SYT16: variants seen among roughly 807,000 people sequenced by gnomAD.
SYT16 encodes the protein synaptotagmin 16, also known as synaptotagmin-16.
SYT16 carries 42 observed loss-of-function variants against 61.4 expected under a neutral mutation model. The observed-to-expected ratio is 0.68, with a 90% CI of 0.53 to 0.89. SYT16 has a LOEUF of 0.89. Ranked by LOEUF, SYT16 falls within the 40% of genes least tolerant of loss-of-function variation. The probability of loss-of-function intolerance (pLI) is 0.00; values close to 1 mark genes in which losing one functional copy is unlikely to be tolerated. For missense variants in SYT16, 804 were observed against 807.3 expected (o/e 1.00, Z 0.05); for synonymous variants, 314 against 302.3 (o/e 1.04, Z -0.40).
At chr14:62,062,268 A>G (rs1017990751) in intron 3 of SYT16, among the ~76,000 whole-genome samples, 5 of 152,104 alleles carry the variant, frequency 3.3e-5, no homozygotes, top group African/African-American at 1.2e-4. Context: ...GAAGTCTCTT[A>G]AGTAGCCTCA....
intron 1 of SYT16, among the ~76,000 whole-genome samples, chr14:61,819,125 T>TAA (rs2045536877): frequency 6.6e-6 from 1 of 152,174 alleles, no homozygotes; most frequent in Non-Finnish European, 1.5e-5. Context: ...AATCTAAAAT[T>TAA]TGGTCTATAT....
At chr14:61,837,839 A>G (rs966041724) in intron 1 of SYT16, among the ~76,000 whole-genome samples, 4 of 152,100 alleles carry the variant, frequency 2.6e-5, no homozygotes, top group Non-Finnish European at 5.9e-5. Flanking sequence ...CTTCCTTCCT[A>G]TGTCTTTCTC....
chr14:61,962,595 C>A (rs1206783515), intron 1 of SYT16, among the ~76,000 whole-genome samples: 1 of 152,114 alleles, frequency 6.6e-6, no homozygotes, highest in African/African-American at 2.4e-5. Flanking sequence ...TAAATATACT[C>A]TTTGCCCCTT....
chr14:61,957,047 A>G lies in SYT16; in HGVS notation c.-324-13085A>G, dbSNP rs571594744. On this transcript the variant is annotated intron_variant, in intron 1 of 7. Coordinates refer to ENST00000683842, the MANE Select transcript of SYT16 (RefSeq NM_001367656.1). ...CACCTCCTTAAGTTTATTCTTAAGT[A>G]TTTTATTCTTTTTGATATTGTAAGT... Among the ~76,000 whole-genome samples the G allele has an allele frequency of 2.0e-5, 3 of 151,824 alleles. No individual in the cohort carries two copies. The East Asian group carries it at 5.8e-4, about 29-fold the overall frequency.
At chr14:61,813,715 A>G (rs890618634) in intron 1 of SYT16, among the ~76,000 whole-genome samples, 2 of 151,830 alleles carry the variant, frequency 1.3e-5, no homozygotes, top group African/African-American at 4.8e-5. Flanking sequence ...GCTGTGAGCT[A>G]TGACCCTGCC....
chr14:62,040,981 C>T (rs1398928436), intron 3 of SYT16, among the ~76,000 whole-genome samples: 1 of 152,094 alleles, frequency 6.6e-6, no homozygotes, highest in East Asian at 1.9e-4. Flanking sequence ...CTCACACAAT[C>T]AATGGGTCCC....
intron 1 of SYT16, among the ~76,000 whole-genome samples, chr14:61,950,987 G>C: frequency 6.6e-6 from 1 of 152,162 alleles, no homozygotes; most frequent in Non-Finnish European, 1.5e-5. Flanking sequence ...GATTTTATTT[G>C]AATATATGAT....
At position 62,075,369 on chromosome 14, in the gene SYT16, G is replaced by A. The variant is rs2056449004; in HGVS notation, c.971G>A (p.Ser324Asn). The A allele has an allele frequency of 1.9e-6, 3 of 1,613,112 alleles. No homozygotes were observed. The highest frequency in any genetic ancestry group is 2.5e-6 in the Non-Finnish European group (3 of 1,179,438). ...RGFEDSYATDSSSMWSPEEQD... is the reference protein window; with the variant it reads ...RGFEDSYATDNSSMWSPEEQD... ...TTTGAAGATTCCTATGCCACTGACAGCTCCTCCATGTGGAGTCCAGAGGCA... is the reference window on the plus strand; with the variant it reads ...TTTGAAGATTCCTATGCCACTGACAACTCCTCCATGTGGAGTCCAGAGGCA... Residue 324 changes from serine (S) to asparagine (N), a missense_variant, in exon 5 of 8, where the codon AGC becomes AAC. Coordinates refer to ENST00000683842, the MANE Select transcript of SYT16 (RefSeq NM_001367656.1).
At chr14:61,992,076 T>C (rs1271655836) in intron 2 of SYT16, among the ~76,000 whole-genome samples, 2 of 152,030 alleles carry the variant, frequency 1.3e-5, no homozygotes, top group Non-Finnish European at 2.9e-5. Flanking sequence ...TCCCAGTCCA[T>C]TGGAAGAGGA....
chr14:61,893,679 C>T (rs2048217266), intron 1 of SYT16, among the ~76,000 whole-genome samples: 1 of 152,216 alleles, frequency 6.6e-6, no homozygotes, highest in African/African-American at 2.4e-5. Context: ...GTGGGCTGCA[C>T]TGTAGGCTCC....
chr14:62,071,418 A>G (rs140474976), intron 4 of SYT16, among the ~76,000 whole-genome samples: 1 of 152,204 alleles, frequency 6.6e-6, no homozygotes. Context: ...CGAGCAACAA[A>G]TTATCTCTTG....
chr14:61,971,900 C>A (rs1227128437), intron 2 of SYT16, among the ~76,000 whole-genome samples: 2 of 152,198 alleles, frequency 1.3e-5, no homozygotes, highest in East Asian at 1.9e-4. Context: ...ACTATTGTCC[C>A]AGCTGGGGCA....
intron 2 of SYT16, among the ~76,000 whole-genome samples, chr14:61,989,031 T>C (rs2052435514): frequency 1.3e-5 from 2 of 152,142 alleles, no homozygotes; most frequent in African/African-American, 4.8e-5. Flanking sequence ...TCAGTTTTTT[T>C]CAACTGTAAA....
chr14:61,856,377 ATACACACACT>A (rs1160904193), intron 1 of SYT16, among the ~76,000 whole-genome samples: 2 of 152,086 alleles, frequency 1.3e-5, no homozygotes, highest in Non-Finnish European at 2.9e-5. Flanking sequence ...TTTTGGAGAT[ATACACACACT>A]TATCTCCAAT....
intron 1 of SYT16, among the ~76,000 whole-genome samples, chr14:61,966,682 A>C (rs2051327651): frequency 6.6e-6 from 1 of 152,166 alleles, no homozygotes; most frequent in South Asian, 2.1e-4. Flanking sequence ...AAGATCCTTT[A>C]TTCAAAAATA....
intron 1 of SYT16, among the ~76,000 whole-genome samples, chr14:61,954,193 T>C (rs1321982718): frequency 6.6e-6 from 1 of 152,210 alleles, no homozygotes. Flanking sequence ...ATTGTTCATA[T>C]TGTTTTTGCT....
At position 61,914,751 on chromosome 14, in the gene SYT16, T is replaced by C. The variant is rs536139720; in HGVS notation, c.-324-55381T>C. ...GCTTTTACCCAGTTATAAGCCACCA[T>C]TATCCTTCTCTTGAGCTCCTGAGGG... On this transcript the variant is annotated intron_variant, in intron 1 of 7. Transcript: ENST00000683842. 4.6e-5 allele frequency among the ~76,000 whole-genome samples: 7 copies of C among 152,316 alleles called. No homozygotes were observed. In the South Asian group the frequency reaches 1.4e-3, roughly 32 times the overall value.
chr14:61,925,621 A>G (rs1394808533), intron 1 of SYT16, among the ~76,000 whole-genome samples: 2 of 152,244 alleles, frequency 1.3e-5, no homozygotes, highest in Admixed American at 1.3e-4. Context: ...TTCCTTGTAC[A>G]GAGAACATGT....
At chr14:62,013,299 A>C (rs968764574) in intron 3 of SYT16, among the ~76,000 whole-genome samples, 2 of 152,170 alleles carry the variant, frequency 1.3e-5, no homozygotes, top group Non-Finnish European at 2.9e-5. Context: ...CATTCTCCTC[A>C]TGGTGATGGT....
Sources: allele counts gnomAD v4.1 joint callset (sites outside exome capture counted in the v4.1 genomes callset), GRCh38; gene constraint gnomAD v4.1.1; transcripts MANE v1.5; gene names NCBI Gene and HGNC (gene_info 2026-07-23, HGNC 2026-07-21).